MGAM: variants seen among roughly 807,000 people sequenced by gnomAD.
The protein encoded by MGAM is alpha-1,4-glucosidase.
MGAM carries 253 observed loss-of-function variants against 358.8 expected under a neutral mutation model. The observed-to-expected ratio is 0.71, with a 90% CI of 0.64 to 0.78. The LOEUF (loss-of-function observed/expected upper bound fraction) is 0.78, where lower values mean the gene tolerates loss of function less well. Among genes scored for constraint, MGAM ranks in the 30% least tolerant of loss-of-function variants. The probability of loss-of-function intolerance (pLI) is 0.00; values close to 1 mark genes in which losing one functional copy is unlikely to be tolerated. For synonymous variants in MGAM, 1,105 were observed against 1,227.1 expected, an observed-to-expected ratio of 0.90 and a Z score of 2.08; for missense variants, 3,080 against 3,432.6, an observed-to-expected ratio of 0.90 and a Z score of 2.57.
chr7:142,045,006 T>C lies in MGAM; in HGVS notation c.2499-2779T>C, dbSNP rs182297026. Among the ~76,000 whole-genome samples the C allele has an allele frequency of 1.5e-4, 16 of 104,602 alleles. 1 individual carries two copies. The highest frequency in any genetic ancestry group is 2.7e-4 in the Admixed American group (2 of 7,390). 68.6% of individuals were successfully genotyped at this position (104,602 alleles called of 152,430 possible). On this transcript the variant is annotated intron_variant, in intron 21 of 70. Coordinates refer to ENST00000475668, the MANE Select transcript of MGAM (RefSeq NM_001365693.1). ...GTATATTATATACACGTGTAATATATGATATATAATATGTATATTGTATAC... is the reference window on the plus strand; with the variant it reads ...GTATATTATATACACGTGTAATATACGATATATAATATGTATATTGTATAC...
intron 21 of MGAM, 67 bp from the exon 22 acceptor site, chr7:142,047,718 T>C: frequency 7.0e-7 from 1 of 1,419,906 alleles, no homozygotes; most frequent in Non-Finnish European, 9.9e-7. Context: ...TTGATGGAAA[T>C]ATTCTCAGCT....
At chr7:142,095,425 G>C (rs1815809497) in intron 63 of MGAM, 140 bp from the exon 64 acceptor site, 32 of 1,253,530 alleles carry the variant, frequency 2.6e-5, no homozygotes, top group Non-Finnish European at 3.6e-5. Flanking sequence ...AGTCTATTAA[G>C]AATATTCTCT....
intron 26 of MGAM, among the ~76,000 whole-genome samples, chr7:142,054,209 A>T (rs1811276269): frequency 1.3e-5 from 2 of 152,200 alleles, no homozygotes; most frequent in Non-Finnish European, 2.9e-5. Context: ...ACGTGTTGTG[A>T]GCTGCTCTCT....
chr7:142,041,493 C>A (rs1470280644), intron 21 of MGAM, among the ~76,000 whole-genome samples: 1 of 152,058 alleles, frequency 6.6e-6, no homozygotes, highest in Non-Finnish European at 1.5e-5. Flanking sequence ...TCAAGCTGTT[C>A]TGCACACTGA....
At chr7:142,045,745 A>T (rs865923843) in intron 21 of MGAM, among the ~76,000 whole-genome samples, 7 of 25,444 alleles carry the variant, frequency 2.8e-4, no homozygotes, top group South Asian at 9.1e-4. Context: ...ATGAATATAT[A>T]ATATATATCA....
At position 142,044,103 on chromosome 7, in the gene MGAM, T is replaced by C. The variant is rs189842825; in HGVS notation, c.2498+3257T>C. Among the ~76,000 whole-genome samples the C allele has an allele frequency of 1.1e-4, 15 of 136,428 alleles. No homozygotes were observed. In the East Asian group the frequency reaches 2.6e-3, roughly 24 times the overall value. The allele number at this position is 136,428 out of a possible 152,430, so 89.5% of individuals were successfully genotyped here. The stretch of plus-strand genomic sequence containing the variant: ...TTATATACACATACGACGTATAATA[T>C]ATACATTATATACACATACGACGTA... On this transcript the variant is annotated intron_variant, in intron 21 of 70. Transcript: ENST00000475668.
rs556116753 is a variant in MGAM, at chr7:142,012,023, A to G, written c.327+3318A>G. Among the ~76,000 whole-genome samples, 41 of 152,320 alleles carry G rather than the reference A, an allele frequency of 2.7e-4. 1 individual carries two copies. The South Asian group carries it at 6.8e-3, about 25-fold the overall frequency. On this transcript the variant is annotated intron_variant, in intron 3 of 70. Transcript: ENST00000475668. ...ATTCGTTAGTTCAAACTTGCTGCACATAAAAACAGCTAGAGAACATTTTGA... is the reference window on the plus strand; with the variant it reads ...ATTCGTTAGTTCAAACTTGCTGCACGTAAAAACAGCTAGAGAACATTTTGA...
intron 8 of MGAM, 52 bp from the exon 9 acceptor site, chr7:142,027,063 C>T: frequency 1.5e-6 from 2 of 1,321,576 alleles, no homozygotes; most frequent in Middle Eastern, 1.8e-4. Flanking sequence ...CTTGTAGTTA[C>T]TATTCAAGAA....
At position 142,052,933 on chromosome 7, in the gene MGAM, C is replaced by A. The variant is rs150559219; in HGVS notation, c.3108C>A (p.Asn1036Lys). Reference protein sequence around the residue: ...YANAFPSTPVNPLRLDVTYHK... With the variant: ...YANAFPSTPVKPLRLDVTYHK... ...ATGCCTTCCCCTCCACACCCGTGAACCCCCTTCGCCTGGATGTCACTTACC... is the reference window on the plus strand; with the variant it reads ...ATGCCTTCCCCTCCACACCCGTGAAACCCCTTCGCCTGGATGTCACTTACC... The change falls in exon 26 of 71, where the codon AAC becomes AAA. Residue 1036 changes from asparagine (N) to lysine (K), a missense_variant. This residue lies in a region of MGAM where 1,816 missense variants were observed against 1,840.5 expected (regional missense o/e 0.99). Coordinates refer to ENST00000475668, the MANE Select transcript of MGAM (RefSeq NM_001365693.1). 1.2e-6 allele frequency: 2 copies of A among 1,613,892 alleles called. No individual in the cohort carries two copies. The highest frequency in any genetic ancestry group is 1.7e-6 in the Non-Finnish European group (2 of 1,179,850).
At position 142,056,015 on chromosome 7, in the gene MGAM, T is replaced by A. The variant is rs537830668; in HGVS notation, c.3499T>A (p.Tyr1167Asn). ...DQPPGYKKNSYGVHPYYMGLE... is the reference protein window; with the variant it reads ...DQPPGYKKNSNGVHPYYMGLE... ...GACTCCCCAGTACAAGAAGAATTCC[T>A]ATGGTGTCCACCCCTACTACATGGG... The change falls in exon 29 of 71, where the codon TAT (tyrosine) becomes AAT (asparagine). Residue 1167 changes from tyrosine to asparagine, a missense_variant. Physicochemically the swap from Tyr to Asn is moderately radical, Grantham distance 143. Around this residue, in one of 5 missense-constraint regions of MGAM, gnomAD observed 1,816 missense variants for 1,840.5 expected, o/e 0.99. Transcript: ENST00000475668. 6.2e-7 allele frequency: 1 copy of A among 1,611,534 alleles called. No homozygotes were observed. Among genetic ancestry groups the A allele is most frequent in the Non-Finnish European group, 8.5e-7 (1 of 1,178,922 alleles).
Position 142,103,276 on chromosome 7 carries a change from T to C in MGAM, c.8021T>C (p.Met2674Thr), listed in dbSNP as rs116770864. 2.1e-5 allele frequency: 33 copies of C among 1,602,710 alleles called. No individual in the cohort carries two copies. In the African/African-American group the frequency reaches 3.6e-4, roughly 18 times the overall value. Residue 2674 changes from methionine to threonine, a missense_variant, in exon 70 of 71, where the codon ATG (methionine) becomes ACG (threonine). By Grantham distance (81) the Met-to-Thr change is moderately conservative. Coordinates refer to ENST00000475668, the MANE Select transcript of MGAM (RefSeq NM_001365693.1). ...LASFSASQNT[M>T]QSHIIFNNYI... ...TTATCTCCAATTCAACAGAATACGATGCAAAGCCATATAATTTTCAACAAT... is the reference window on the plus strand; with the variant it reads ...TTATCTCCAATTCAACAGAATACGACGCAAAGCCATATAATTTTCAACAAT...
chr7:142,016,392 T>G (rs1554456168), intron 3 of MGAM, among the ~76,000 whole-genome samples: 1 of 152,222 alleles, frequency 6.6e-6, no homozygotes, highest in African/African-American at 2.4e-5. Context: ...TCTTAAAATA[T>G]TCTGTTATGT....
Position 142,059,485 on chromosome 7 carries a change from C to T in MGAM, c.3833C>T (p.Ser1278Leu), listed in dbSNP as rs146623163. The change falls in exon 32 of 71, where the codon TCA (serine) becomes TTA (leucine). Residue 1278 changes from serine to leucine, a missense_variant. By Grantham distance (145) the Ser-to-Leu change is moderately radical. Transcript: ENST00000475668. ...GTCCTCCCGCAGGATGTGCAGTACT[C>T]AGACATCGACTACATGGAGCGGCAG... ...AAQIPYDVQY[S>L]DIDYMERQLD... The T allele has an allele frequency of 6.4e-4, 1,037 of 1,610,416 alleles. 11 individuals carry two copies. The African/African-American group carries it at 0.012, about 19-fold the overall frequency.
At chr7:141,996,859 G>T (rs915325415) in intron 1 of MGAM, among the ~76,000 whole-genome samples, 1 of 152,110 alleles carries the variant, frequency 6.6e-6, no homozygotes, top group African/African-American at 2.4e-5. Context: ...GTGGGAGGAG[G>T]TCATAAAGAG....
intron 1 of MGAM, among the ~76,000 whole-genome samples, chr7:142,002,991 A>G (rs1028344740): frequency 9.9e-5 from 15 of 151,940 alleles, no homozygotes; most frequent in South Asian, 4.1e-4. Context: ...AAAATAAAAT[A>G]AAATACCTAG....
At position 142,084,534 on chromosome 7, in the gene MGAM, G is replaced by A; in HGVS notation, c.6397G>A (p.Val2133Met). ...QQYTELIGRP[V>M]MVPYWSLGFQ... is the part of the protein sequence containing the mutation. ...TATTTTCTAGTTGATTGGCCGGCCT[G>A]TGATGGTACCTTACTGGTCTTTGGG... The change falls in exon 54 of 71, where the codon GTG (valine) becomes ATG (methionine). Residue 2133 changes from valine to methionine, a missense_variant. Around this residue, in one of 5 missense-constraint regions of MGAM, gnomAD observed 932 missense variants for 1,198.2 expected, o/e 0.78. Coordinates refer to ENST00000475668, the MANE Select transcript of MGAM (RefSeq NM_001365693.1). 1 of 1,556,044 alleles carries A rather than the reference G, an allele frequency of 6.4e-7. No individual in the cohort carries two copies. The highest frequency in any genetic ancestry group is 8.8e-7 in the Non-Finnish European group (1 of 1,132,464).
At position 142,005,234 on chromosome 7, in the gene MGAM, T is replaced by C. The variant is rs1319476001; in HGVS notation, c.-2-295T>C. ...TATTATAAACATATATTAGGTATGA[T>C]AATATTTTGCCTTTTGCAAAATTTC... On this transcript the variant is annotated intron_variant, in intron 1 of 70. Coordinates refer to ENST00000475668, the MANE Select transcript of MGAM (RefSeq NM_001365693.1). Among the ~76,000 whole-genome samples, 3 of 152,234 alleles carry C rather than the reference T, an allele frequency of 2.0e-5. No individual in the cohort carries two copies. The East Asian group carries it at 5.8e-4, about 29-fold the overall frequency.
In MGAM at chr7:142,063,574, C is replaced by G. The variant is rs3087313; in HGVS notation, c.4333C>G (p.Pro1445Ala). 1.2e-6 allele frequency: 2 copies of G among 1,613,520 alleles called. No homozygotes were observed. Among genetic ancestry groups the G allele is most frequent in the Non-Finnish European group, 1.7e-6 (2 of 1,179,688 alleles). The change falls in exon 36 of 71, where the codon CCC (proline) becomes GCC (alanine). Residue 1445 changes from proline to alanine, a missense_variant. Transcript: ENST00000475668. ...CAGGGACGCCTCTCTGAACCACCCT[C>G]CCTACATGCCACGTAAGAAGCCTTG... ...GCRDASLNHP[P>A]YMPHLESRDR...
rs201420574 is a variant in MGAM, at chr7:142,030,525, T to C, written c.1353+32T>C. 612 of 1,612,812 alleles carry C rather than the reference T, an allele frequency of 3.8e-4. 3 individuals carry two copies. The highest frequency in any genetic ancestry group is 1.0e-3 in the South Asian group (91 of 90,998). ...ACTGCCCTCTTTCCACCAAATTAGG[T>C]ATTTGCTCCTCCGTATCATACACCC... On this transcript the variant is annotated intron_variant, in intron 11 of 70. Coordinates refer to ENST00000475668, the MANE Select transcript of MGAM (RefSeq NM_001365693.1).
Sources: gnomAD v4.1 joint callset for allele counts (sites outside exome capture counted in the v4.1 genomes callset) on GRCh38, gnomAD v4.1.1 for gene constraint, gnomAD v4.1.1 regional missense constraint, MANE v1.5 for transcripts, NCBI Gene and HGNC (gene_info 2026-07-23, HGNC 2026-07-21) for gene names.